CDK15: variants seen among roughly 807,000 people sequenced by gnomAD.
The protein encoded by CDK15 is cyclin-dependent kinase 15.
A neutral mutation model predicts 60.3 loss-of-function variants in CDK15; 62 were observed. That is an observed-to-expected ratio of 1.03 (90% confidence interval 0.84 to 1.27). The LOEUF (loss-of-function observed/expected upper bound fraction) is 1.27, where lower values mean the gene tolerates loss of function less well. Ranked by LOEUF, CDK15 falls within the 50% of genes most tolerant of loss-of-function variation. The pLI, the probability that CDK15 is intolerant of heterozygous loss-of-function variation, is 0.00. For synonymous variants in CDK15, 194 were observed against 195.7 expected (o/e 0.99, Z 0.07); for missense variants, 541 against 527.8 (o/e 1.03, Z -0.25).
At chr2:201,867,282 A>G (rs1197708729) in intron 10 of CDK15, among the ~76,000 whole-genome samples, 1 of 152,118 alleles carries the variant, frequency 6.6e-6, no homozygotes, top group Non-Finnish European at 1.5e-5. Flanking sequence ...TGCTAGACCA[A>G]AGGTCCTCTG....
intron 10 of CDK15, among the ~76,000 whole-genome samples, chr2:201,867,522 G>A (rs899934666): frequency 1.3e-5 from 2 of 152,164 alleles, no homozygotes; most frequent in African/African-American, 4.8e-5. Context: ...CTACTCAGGA[G>A]GCTGAGGCAG....
rs984804013 is a variant in CDK15, at chr2:201,895,204, C to G, written c.*1937C>G. Reference sequence around the variant, plus strand: ...GTTGGAGGTTAGAAGAGCTGACCTCCAATGTCCCGTCTAATTCCAAGATTC... The same window carrying G: ...GTTGGAGGTTAGAAGAGCTGACCTCGAATGTCCCGTCTAATTCCAAGATTC... On this transcript the variant is annotated 3_prime_UTR_variant, in exon 14 of 14. Transcript: ENST00000652192. 1 of 152,156 alleles carries G rather than the reference C, an allele frequency of 6.6e-6. No homozygotes were observed. The highest frequency in any genetic ancestry group is 2.4e-5 in the African/African-American group (1 of 41,444). 9.4% of individuals were successfully genotyped at this position (152,156 alleles called of 1,614,324 possible).
chr2:201,851,291 CAAAAAAAAAA>C (rs1176883047), intron 9 of CDK15, among the ~76,000 whole-genome samples: 1 of 27,750 alleles, frequency 3.6e-5, no homozygotes, highest in Non-Finnish European at 5.9e-5. Flanking sequence ...GACTTCATCT[CAAAAAAAAAA>C]AAAAAAAAAA....
At chr2:201,892,346 G>T (rs733882) in intron 13 of CDK15, among the ~76,000 whole-genome samples, 1 of 151,860 alleles carries the variant, frequency 6.6e-6, no homozygotes, top group South Asian at 2.1e-4. Flanking sequence ...AGATACTAAT[G>T]GAAATGGGCT....
At chr2:201,879,094 A>G (rs537536273) in intron 11 of CDK15, among the ~76,000 whole-genome samples, 2 of 152,272 alleles carry the variant, frequency 1.3e-5, no homozygotes, top group South Asian at 4.1e-4. Context: ...TAGTTGCTCA[A>G]TAAATGTATT....
At chr2:201,838,983 C>G (rs1408741282) in intron 8 of CDK15, among the ~76,000 whole-genome samples, 1 of 152,072 alleles carries the variant, frequency 6.6e-6, no homozygotes, top group Non-Finnish European at 1.5e-5. Context: ...GCTCGTCGCC[C>G]AGGCTGGAGT....
At chr2:201,808,025 G>A (rs1489831959) in intron 3 of CDK15, 73 bp downstream of exon 3, 3 of 1,309,148 alleles carry the variant, frequency 2.3e-6, no homozygotes, top group Non-Finnish European at 3.2e-6. Flanking sequence ...TATAAAGCCA[G>A]GTGAGACATC....
At chr2:201,893,010 G>T (rs1699685068) in intron 13 of CDK15, among the ~76,000 whole-genome samples, 1 of 152,206 alleles carries the variant, frequency 6.6e-6, no homozygotes, top group African/African-American at 2.4e-5. Flanking sequence ...AGGCACTACA[G>T]TAAGGGCTTT....
At chr2:201,807,436 C>T in intron 1 of CDK15, 58 bp from the exon 2 acceptor site, 1 of 1,540,398 alleles carries the variant, frequency 6.5e-7, no homozygotes, top group Non-Finnish European at 8.8e-7. Context: ...ATGGTTTTAC[C>T]AGGCACTGAA....
chr2:201,885,889 T>G (rs1419272130), intron 12 of CDK15, among the ~76,000 whole-genome samples: 2 of 152,192 alleles, frequency 1.3e-5, no homozygotes, highest in African/African-American at 4.8e-5. Flanking sequence ...GGAATTGTTA[T>G]CCTCATATTA....
intron 10 of CDK15, among the ~76,000 whole-genome samples, chr2:201,864,379 G>A (rs527250680): frequency 8.5e-5 from 13 of 152,254 alleles, no homozygotes; most frequent in African/African-American, 2.9e-4. Flanking sequence ...GTACAGTGGC[G>A]CGATCTTGGC....
chr2:201,819,498 G>A lies in CDK15; in HGVS notation c.449-3311G>A, dbSNP rs566659587. On this transcript the variant is annotated intron_variant, in intron 4 of 13. Coordinates refer to ENST00000652192, the MANE Select transcript of CDK15 (RefSeq NM_001366386.2). Reference sequence around the variant, plus strand: ...GAATTTACTCTGCAGGAGATGAGAGGCCACTGGAGGGTTTGGAACCAGGAG... The same window carrying A: ...GAATTTACTCTGCAGGAGATGAGAGACCACTGGAGGGTTTGGAACCAGGAG... Among the ~76,000 whole-genome samples the A allele has an allele frequency of 2.0e-5, 3 of 152,250 alleles. No individual in the cohort carries two copies. In the East Asian group the frequency reaches 5.8e-4, roughly 29 times the overall value.
At chr2:201,890,412 C>G (rs151137421) in intron 12 of CDK15, among the ~76,000 whole-genome samples, 227 of 152,306 alleles carry the variant, frequency 1.5e-3, no homozygotes, top group African/African-American at 5.1e-3. Context: ...GGCACCTTGT[C>G]TATGCTCTGT....
chr2:201,888,429 A>T (rs1473038635), intron 12 of CDK15: 2 of 1,530,230 alleles, frequency 1.3e-6, no homozygotes, highest in East Asian at 4.9e-5. Flanking sequence ...AAAATTTTTA[A>T]ACACCCGCTT....
intron 4 of CDK15, among the ~76,000 whole-genome samples, chr2:201,821,270 G>A (rs892630965): frequency 2.0e-5 from 3 of 151,994 alleles, no homozygotes; most frequent in Non-Finnish European, 4.4e-5. Context: ...GGGGAGTGCC[G>A]TGCTCTGATT....
At chr2:201,851,291 CAAAAA>C (rs1176883047) in intron 9 of CDK15, among the ~76,000 whole-genome samples, 2 of 27,752 alleles carry the variant, frequency 7.2e-5, no homozygotes, top group Non-Finnish European at 1.2e-4. Context: ...GACTTCATCT[CAAAAA>C]AAAAAAAAAA....
intron 4 of CDK15, among the ~76,000 whole-genome samples, chr2:201,822,081 A>C (rs1035630277): frequency 6.6e-6 from 1 of 152,256 alleles, no homozygotes; most frequent in South Asian, 2.1e-4. Flanking sequence ...AACCCCTCCC[A>C]GTCACTTGGC....
intron 4 of CDK15, among the ~76,000 whole-genome samples, chr2:201,820,833 T>G (rs1342070544): frequency 6.6e-6 from 1 of 152,112 alleles, no homozygotes; most frequent in Admixed American, 6.5e-5. Flanking sequence ...TTTGTCAAAG[T>G]GAAATAATAA....
Position 201,810,397 on chromosome 2 carries a change from G to A in CDK15, c.369-2086G>A, listed in dbSNP as rs1486711893. ...CCAAAAAAAAAAAGAAGATGAAAGC[G>A]AAAAGCCAACCCACATGATAGGGCT... On this transcript the variant is annotated intron_variant, in intron 3 of 13. Coordinates refer to ENST00000652192, the MANE Select transcript of CDK15 (RefSeq NM_001366386.2). Among the ~76,000 whole-genome samples, 5 of 151,184 alleles carry A rather than the reference G, an allele frequency of 3.3e-5. No individual in the cohort carries two copies. In the East Asian group the frequency reaches 5.8e-4, roughly 18 times the overall value.
Sources: gnomAD v4.1 joint callset for allele counts (sites outside exome capture counted in the v4.1 genomes callset) on GRCh38, gnomAD v4.1.1 for gene constraint, MANE v1.5 for transcripts, NCBI Gene and HGNC (gene_info 2026-07-23, HGNC 2026-07-21) for gene names.